The following VWC2L variants were observed in gnomAD, a reference collection of about 807,000 sequenced individuals.
VWC2L encodes the protein von Willebrand factor C domain-containing protein 2-like.
In VWC2L, 10 loss-of-function variants were observed where a neutral mutation model predicts 21.6. That is an observed-to-expected ratio of 0.46 (90% CI 0.29 to 0.78). VWC2L has a LOEUF of 0.78. Among genes scored for constraint, VWC2L ranks in the 30% least tolerant of loss-of-function variants. The pLI is 0.10. For missense variants in VWC2L, 209 were observed against 277.1 expected (o/e 0.75, Z 1.74); for synonymous variants, 96 against 94.3 (o/e 1.02, Z -0.10).
chr2:214,499,300 G>A (rs1445461599), intron 3 of VWC2L, among the ~76,000 whole-genome samples: 2 of 152,028 alleles, frequency 1.3e-5, no homozygotes, highest in African/African-American at 4.8e-5. Flanking sequence ...TTACAGGCAT[G>A]AGCCACTGCG....
intron 3 of VWC2L, among the ~76,000 whole-genome samples, chr2:214,497,448 A>G (rs1009970879): frequency 3.3e-5 from 5 of 152,152 alleles, no homozygotes; most frequent in Admixed American, 1.3e-4. Context: ...TCGCAACCTC[A>G]TCTTTGAGCC....
At chr2:214,517,459 C>G (rs114836269) in intron 3 of VWC2L, among the ~76,000 whole-genome samples, 1 of 152,266 alleles carries the variant, frequency 6.6e-6, no homozygotes, top group African/African-American at 2.4e-5. Flanking sequence ...ACTCATATTG[C>G]CCAAGCCACA....
chr2:214,496,590 AG>A (rs1319590813), intron 3 of VWC2L, among the ~76,000 whole-genome samples: 2 of 152,214 alleles, frequency 1.3e-5, no homozygotes, highest in Non-Finnish European at 2.9e-5. Flanking sequence ...TTATTTGAAC[AG>A]TACAGAGCAA....
intron 3 of VWC2L, among the ~76,000 whole-genome samples, chr2:214,449,691 A>C (rs969991641): frequency 1.3e-5 from 2 of 152,162 alleles, no homozygotes; most frequent in Non-Finnish European, 2.9e-5. Flanking sequence ...AGAAATGTTA[A>C]ACCTCTTTTG....
chr2:214,516,576 T>G (rs1422540740), intron 3 of VWC2L, among the ~76,000 whole-genome samples: 2 of 152,092 alleles, frequency 1.3e-5, no homozygotes, highest in Non-Finnish European at 2.9e-5. Flanking sequence ...AAGAGTGCAT[T>G]GGTAGCTTTA....
chr2:214,472,224 G>T (rs1428772010), intron 3 of VWC2L: 1 of 152,180 alleles, frequency 6.6e-6, no homozygotes, highest in Non-Finnish European at 1.5e-5. Flanking sequence ...GTGATACACA[G>T]CCAGGCTGAA....
At chr2:214,460,834 A>G (rs935598828) in intron 3 of VWC2L, among the ~76,000 whole-genome samples, 1 of 151,836 alleles carries the variant, frequency 6.6e-6, no homozygotes, top group African/African-American at 2.4e-5. Flanking sequence ...TTGCTTTTTC[A>G]TGTTTTTTAT....
chr2:214,440,944 G>C (rs1702756223), intron 3 of VWC2L, among the ~76,000 whole-genome samples: 1 of 152,104 alleles, frequency 6.6e-6, no homozygotes, highest in South Asian at 2.1e-4. Flanking sequence ...CATTATTCAA[G>C]GCTCAGAAGG....
intron 3 of VWC2L, among the ~76,000 whole-genome samples, chr2:214,501,682 T>TGTGCCA (rs1559310080): frequency 6.8e-6 from 1 of 147,816 alleles, no homozygotes; most frequent in Non-Finnish European, 1.5e-5. Context: ...AGATCATGCC[T>TGTGCCA]CTGCGCTCCA....
At chr2:214,451,408 G>T (rs1702953461) in intron 3 of VWC2L, among the ~76,000 whole-genome samples, 1 of 151,798 alleles carries the variant, frequency 6.6e-6, no homozygotes, top group African/African-American at 2.4e-5. Flanking sequence ...GGAAAGGAAG[G>T]GTCAGACCCC....
chr2:214,459,750 GTTTT>G (rs200850245), intron 3 of VWC2L, among the ~76,000 whole-genome samples: 2 of 151,792 alleles, frequency 1.3e-5, no homozygotes, highest in Admixed American at 1.3e-4. Flanking sequence ...TTCATTGCTA[GTTTT>G]TTTTCCTTTC....
chr2:214,431,558 G>T, intron 2 of VWC2L, among the ~76,000 whole-genome samples: 1 of 152,206 alleles, frequency 6.6e-6, no homozygotes, highest in Admixed American at 6.5e-5. Context: ...TTGCGTATCC[G>T]TCCCTTCAGC....
At chr2:214,424,888 G>A (rs372580122) in intron 2 of VWC2L, among the ~76,000 whole-genome samples, 20 of 152,070 alleles carry the variant, frequency 1.3e-4, no homozygotes, top group East Asian at 7.7e-4. Flanking sequence ...GTATTAATTT[G>A]TGTTACAAAA....
intron 3 of VWC2L, among the ~76,000 whole-genome samples, chr2:214,553,136 G>T (rs913966699): frequency 6.6e-6 from 1 of 152,138 alleles, no homozygotes; most frequent in South Asian, 2.1e-4. Flanking sequence ...CTTTCCAAAA[G>T]CAGTTGCTGC....
intron 3 of VWC2L, among the ~76,000 whole-genome samples, chr2:214,448,670 T>A (rs1333119583): frequency 6.6e-6 from 1 of 152,192 alleles, no homozygotes; most frequent in Non-Finnish European, 1.5e-5. Context: ...GTCGCTTTAG[T>A]GCAAAATTAA....
At chr2:214,453,021 G>T (rs1703000009) in intron 3 of VWC2L, among the ~76,000 whole-genome samples, 1 of 152,038 alleles carries the variant, frequency 6.6e-6, no homozygotes, top group African/African-American at 2.4e-5. Flanking sequence ...TCAGTCTATG[G>T]CATGTCTTTT....
chr2:214,477,026 T>C (rs1179513031), intron 3 of VWC2L, among the ~76,000 whole-genome samples: 1 of 152,172 alleles, frequency 6.6e-6, no homozygotes, highest in Non-Finnish European at 1.5e-5. Flanking sequence ...GCAAAGGTTC[T>C]GAAGAGGAAA....
At chr2:214,548,060 G>C (rs1336664033) in intron 3 of VWC2L, among the ~76,000 whole-genome samples, 1 of 152,160 alleles carries the variant, frequency 6.6e-6, no homozygotes, top group African/African-American at 2.4e-5. Flanking sequence ...CCTTCTTCCG[G>C]TGTCTTCTCA....
chr2:214,559,474 C>T (rs111293343), intron 3 of VWC2L, among the ~76,000 whole-genome samples: 2 of 152,130 alleles, frequency 1.3e-5, no homozygotes, highest in East Asian at 1.9e-4. Context: ...TGGGGCTCTG[C>T]TGCCTGATGC....
Sources: allele counts gnomAD v4.1 joint callset (sites outside exome capture counted in the v4.1 genomes callset), GRCh38; gene constraint gnomAD v4.1.1; transcripts MANE v1.5; gene names NCBI Gene and HGNC (gene_info 2026-07-23, HGNC 2026-07-21).